The following SYNC variants were observed in gnomAD, a reference collection of about 807,000 sequenced individuals.
SYNC encodes syncoilin.
Under a neutral mutation model 49.5 loss-of-function variants are expected in SYNC, and 38 were observed. The ratio of observed to expected loss-of-function variants is 0.77; its 90% CI spans 0.59 to 1.01. SYNC has a LOEUF of 1.01. Ranked by LOEUF, SYNC falls within the 50% of genes least tolerant of loss-of-function variation. The pLI is 0.00. For missense variants in SYNC, 579 were observed against 580.6 expected (o/e 1.00, Z 0.03); for synonymous variants, 201 against 230.8 (o/e 0.87, Z 1.17).
rs1650698351 is a variant in SYNC at position 32,702,303 on chromosome 1, T to A, written c.53+305A>T. ...GAGGAATGAAGGCTAGCGAGAAGTG[T>A]CTTTGGCTGCTATGGGCCAAATGGC... On this transcript the variant is annotated intron_variant, in intron 1 of 4. Transcript: ENST00000409190. The surrounding 1 kb of genome is among the most constrained non-coding windows in gnomAD (Gnocchi z 6.2). 6.6e-6 allele frequency among the ~76,000 whole-genome samples: 1 copy of A among 152,244 alleles called. No homozygotes were observed. Among genetic ancestry groups the A allele is most frequent in the Non-Finnish European group, 1.5e-5 (1 of 68,044 alleles).
chr1:32,695,670 A>C lies in SYNC; in HGVS notation c.428T>G (p.Val143Gly). The C allele has an allele frequency of 1.3e-6, 2 of 1,551,208 alleles. No homozygotes were observed. Among genetic ancestry groups the C allele is most frequent in the Non-Finnish European group, 1.7e-6 (2 of 1,146,892 alleles). Residue 143 changes from valine (V) to glycine (G), a missense_variant, in exon 2 of 5, where the codon GTC (valine) becomes GGC (glycine). Physicochemically the swap from Val to Gly is moderately radical, Grantham distance 109. Transcript: ENST00000409190. ...PEHVVYEGET[V>G]TRAEKSNPEE... ...AGGGTTAGATTTCTCCGCCCTTGTG[A>C]CTGTCTCTCCCTCATAAACAACGTG...
intron 2 of SYNC, among the ~76,000 whole-genome samples, chr1:32,692,507 G>A (rs1458842128): frequency 2.0e-5 from 3 of 152,248 alleles, no homozygotes; most frequent in Admixed American, 6.5e-5. Flanking sequence ...CCAACACTGG[G>A]AGGCTGAGGC....
chr1:32,681,587 A>T lies in SYNC; in HGVS notation c.*263T>A. ...GTTGTTGCTGGAAGACAGGAGGCTC[A>T]TCTTTCCTTTCCTTGGTGCATTGAG... On this transcript the variant is annotated 3_prime_UTR_variant, in exon 5 of 5. Transcript: ENST00000409190. 1 of 577,776 alleles carries T rather than the reference A, an allele frequency of 1.7e-6. No homozygotes were observed. Among genetic ancestry groups the T allele is most frequent in the Non-Finnish European group, 3.1e-6 (1 of 325,258 alleles). The allele number at this position is 577,776 out of a possible 1,614,324, so 35.8% of individuals were successfully genotyped here. A position where few individuals can be genotyped will look rare whatever the true frequency, so the allele number is the denominator to read the frequency against.
chr1:32,681,810 T>G lies in SYNC; in HGVS notation c.*40A>C. On this transcript the variant is annotated 3_prime_UTR_variant, in exon 5 of 5. Transcript: ENST00000409190. ...TACTTAGTGATCCTTTGCTAAGAAG[T>G]TTTTTGCTGTTTCCGGGTTACAGAT... 1 of 1,614,148 alleles carries G rather than the reference T, an allele frequency of 6.2e-7. No homozygotes were observed. The highest frequency in any genetic ancestry group is 8.5e-7 in the Non-Finnish European group (1 of 1,180,024).
rs61577689 is a variant in SYNC at position 32,699,153 on chromosome 1, C to CTTTTTTTTTTTTTT, written c.54-3123_54-3110dup. 5.8e-5 allele frequency among the ~76,000 whole-genome samples: 6 copies of CTTTTTTTTTTTTTT among 104,034 alleles called. 1 individual carries two copies. Among genetic ancestry groups the CTTTTTTTTTTTTTT allele is most frequent in the African/African-American group, 7.3e-5 (2 of 27,332 alleles). The allele number at this position is 104,034 out of a possible 152,430, so 68.3% of individuals were successfully genotyped here. A position where few individuals can be genotyped will look rare whatever the true frequency, so the allele number is the denominator to read the frequency against. ...TTCACTGAGAAGTGACTTTTCTTTT[C>CTTTTTTTTTTTTTT]TTTTTTTTTTTTTTTTTTGAGATGG... On this transcript the variant is annotated intron_variant, in intron 1 of 4. Coordinates refer to ENST00000409190, the MANE Select transcript of SYNC (RefSeq NM_030786.3).
rs952608546 is a variant in SYNC at position 32,679,995 on chromosome 1, T to C, written c.*1855A>G. 8.6e-7 allele frequency: 1 copy of C among 1,167,992 alleles called. No individual in the cohort carries two copies. Among genetic ancestry groups the C allele is most frequent in the East Asian group, 5.1e-5 (1 of 19,770 alleles). The allele number at this position is 1,167,992 out of a possible 1,614,324, so 72.4% of individuals were successfully genotyped here. ...TTATGTGTGATTATTTTTCTTCTTA[T>C]GCTATATCCCCAAGTTTTTCAGACT... On this transcript the variant is annotated 3_prime_UTR_variant, in exon 5 of 5. Coordinates refer to ENST00000409190, the MANE Select transcript of SYNC (RefSeq NM_030786.3).
At chr1:32,686,000 T>G (rs1173412198) in intron 2 of SYNC, 1 of 152,186 alleles carries the variant, frequency 6.6e-6, no homozygotes, top group Non-Finnish European at 1.5e-5. Context: ...GTATGAACAT[T>G]TTCCTCTAGC....
At position 32,694,978 on chromosome 1, in the gene SYNC, C is replaced by T. The variant is rs1019442904; in HGVS notation, c.1120G>A (p.Ala374Thr). The T allele has an allele frequency of 6.2e-7, 1 of 1,614,038 alleles. No individual in the cohort carries two copies. Among genetic ancestry groups the T allele is most frequent in the Non-Finnish European group, 8.5e-7 (1 of 1,180,006 alleles). Residue 374 changes from alanine to threonine, a missense_variant, in exon 2 of 5, where the codon GCT (alanine) becomes ACT (threonine). Transcript: ENST00000409190. The stretch of plus-strand genomic sequence containing the variant: ...GCCTCTGCTTGCAGGGGTCTCAGAG[C>T]CTCCTTCATTTCCTGGATCTCAGCC... ...TQAEIQEMKE[A>T]LRPLQAEARQ...
intron 2 of SYNC, among the ~76,000 whole-genome samples, chr1:32,693,442 T>A (rs1650263519): frequency 6.6e-6 from 1 of 152,226 alleles, no homozygotes. Context: ...GTGAAGTGAA[T>A]GCAGCCATTT....
intron 2 of SYNC, chr1:32,685,529 G>T (rs1380640625): frequency 6.6e-6 from 1 of 152,208 alleles, no homozygotes; most frequent in Non-Finnish European, 1.5e-5. Flanking sequence ...TAGATAATTT[G>T]TCCTCTGAGT....
rs896600743 is a variant in SYNC, at chr1:32,694,812, A to T, written c.1233+53T>A. On this transcript the variant is annotated intron_variant, in intron 2 of 4. Transcript: ENST00000409190. ...GCCCCAAAGACCTTGGACTCTGGCC[A>T]CTCTTTCCCCAGGTTAAAAGACCTC... 4.7e-6 allele frequency: 7 copies of T among 1,485,094 alleles called. No homozygotes were observed. The African/African-American group carries it at 8.5e-5, about 18-fold the overall frequency. The allele number at this position is 1,485,094 out of a possible 1,614,324, so 92.0% of individuals were successfully genotyped here. A position where few individuals can be genotyped will look rare whatever the true frequency, so the allele number is the denominator to read the frequency against.
intron 2 of SYNC, 197 bp from the exon 3 acceptor site, chr1:32,684,579 G>A: frequency 2.7e-6 from 2 of 754,664 alleles, no homozygotes; most frequent in Non-Finnish European, 2.0e-6. Context: ...TTTTGAAAAT[G>A]ATGACGAAAA....
intron 2 of SYNC, among the ~76,000 whole-genome samples, chr1:32,691,744 T>A (rs1345141094): frequency 6.6e-6 from 1 of 152,154 alleles, no homozygotes; most frequent in East Asian, 1.9e-4. Flanking sequence ...TTTTCTCCCC[T>A]GCTCCCCTCA....
At chr1:32,684,117 G>C (rs1341976769) in intron 3 of SYNC, 28 bp from the exon 4 acceptor site, 1 of 1,611,646 alleles carries the variant, frequency 6.2e-7, no homozygotes, top group Non-Finnish European at 8.5e-7. Context: ...CATTTTCCAT[G>C]TGTTTTTGGA....
chr1:32,698,040 T>A (rs1175779186), intron 1 of SYNC, among the ~76,000 whole-genome samples: 2 of 150,242 alleles, frequency 1.3e-5, no homozygotes, highest in Non-Finnish European at 3.0e-5. Flanking sequence ...CTAGCCAACA[T>A]GGTGAAACCC....
chr1:32,692,402 G>A (rs1189842001), intron 2 of SYNC, among the ~76,000 whole-genome samples: 2 of 152,114 alleles, frequency 1.3e-5, no homozygotes, highest in Non-Finnish European at 2.9e-5. Flanking sequence ...TCACTAGACT[G>A]TGAACCAATT....
At chr1:32,693,020 GATAAAA>G (rs905395125) in intron 2 of SYNC, among the ~76,000 whole-genome samples, 2 of 148,872 alleles carry the variant, frequency 1.3e-5, no homozygotes, top group African/African-American at 4.9e-5. Flanking sequence ...AATAAATAAA[GATAAAA>G]ATAAAAAACA....
chr1:32,697,991 G>T (rs902023378), intron 1 of SYNC, among the ~76,000 whole-genome samples: 3 of 152,138 alleles, frequency 2.0e-5, no homozygotes, highest in African/African-American at 7.2e-5. Context: ...GGGAGGCCAA[G>T]ACGGGTGGAT....
intron 2 of SYNC, among the ~76,000 whole-genome samples, chr1:32,690,337 T>C (rs1166656781): frequency 6.6e-6 from 1 of 152,176 alleles, no homozygotes; most frequent in Non-Finnish European, 1.5e-5. Context: ...CTAATTATTC[T>C]CCATTGCTCT....
Sources: gnomAD v4.1 joint callset for allele counts (sites outside exome capture counted in the v4.1 genomes callset) on GRCh38, gnomAD v4.1.1 for gene constraint, Gnocchi (gnomAD v3.1) non-coding constraint, MANE v1.5 for transcripts, NCBI Gene and HGNC (gene_info 2026-07-23, HGNC 2026-07-21) for gene names.